The following ESR1 variants were observed in gnomAD, a reference collection of about 807,000 sequenced individuals.
ESR1 encodes estrogen receptor.
Under a neutral mutation model 52.7 loss-of-function variants are expected in ESR1, and 12 were observed. The observed-to-expected ratio is 0.23, with a 90% CI of 0.15 to 0.37. The LOEUF is 0.37. Among genes scored for constraint, ESR1 ranks in the 10% least tolerant of loss-of-function variants. The pLI, the probability that ESR1 is intolerant of heterozygous loss-of-function variation, is 1.00. For synonymous variants in ESR1, 305 were observed against 316.8 expected (o/e 0.96, Z 0.39); for missense variants, 584 against 779.7 (o/e 0.75, Z 2.99).
chr6:152,018,406 T>G (rs1300485993), intron 5 of ESR1, among the ~76,000 whole-genome samples: 1 of 151,426 alleles, frequency 6.6e-6, no homozygotes, highest in Non-Finnish European at 1.5e-5. Flanking sequence ...CTTTGCAGAT[T>G]TTTTACTTGG....
chr6:151,863,337 T>C (rs753152592), intron 2 of ESR1, among the ~76,000 whole-genome samples: 2 of 152,220 alleles, frequency 1.3e-5, no homozygotes, highest in Non-Finnish European at 2.9e-5. Flanking sequence ...GGTTTTGTGG[T>C]TCTCCTTGAA....
chr6:151,883,550 G>T (rs779270362), intron 3 of ESR1, among the ~76,000 whole-genome samples: 1 of 151,834 alleles, frequency 6.6e-6, no homozygotes, highest in South Asian at 2.1e-4. Context: ...GTTGGATTAG[G>T]AGTCCACCCT....
In ESR1 at chr6:151,668,177, G is replaced by A. The variant is rs118030422; in HGVS notation, n.73+11414G>A. 9.6e-3 allele frequency among the ~76,000 whole-genome samples: 1,463 copies of A among 152,294 alleles called. 17 individuals carry two copies. Among genetic ancestry groups the A allele is most frequent in the Admixed American group, 0.016 (247 of 15,298 alleles). The stretch of plus-strand genomic sequence containing the variant: ...TCAAGGCACCAGCAGATTGGTTGTC[G>A]GATGAAAGTTCAGTTTCTGCTTCAT... On this transcript the variant is annotated intron_variant and non_coding_transcript_variant, in intron 1 of 2. Transcript: ENST00000473497.
At chr6:151,860,887 A>G (rs763780481) in intron 2 of ESR1, among the ~76,000 whole-genome samples, 1 of 152,196 alleles carries the variant, frequency 6.6e-6, no homozygotes, top group Non-Finnish European at 1.5e-5. Flanking sequence ...TCTACCTCTT[A>G]CCTAAGCTTT....
intron 1 of ESR1, among the ~76,000 whole-genome samples, chr6:151,666,600 A>G (rs1256346399): frequency 2.0e-5 from 3 of 152,076 alleles, no homozygotes; most frequent in Admixed American, 2.0e-4. Context: ...TTCTGGCCTT[A>G]GCACATCTGT....
chr6:152,057,586 A>C (rs6941045), intron 5 of ESR1, among the ~76,000 whole-genome samples: 33,323 of 151,932 alleles, frequency 0.22, 5,295 homozygotes, highest in African/African-American at 0.44. Context: ...CATGAAGCAC[A>C]TGTGTTTGCA....
chr6:152,002,877 AT>A (rs2042062853), intron 4 of ESR1, among the ~76,000 whole-genome samples: 1 of 152,020 alleles, frequency 6.6e-6, no homozygotes, highest in Non-Finnish European at 1.5e-5. Flanking sequence ...CTCCCAGGAG[AT>A]TTTGATAAGA....
chr6:151,661,219 A>G (rs940717930), intron 1 of ESR1, among the ~76,000 whole-genome samples: 1 of 152,228 alleles, frequency 6.6e-6, no homozygotes, highest in African/African-American at 2.4e-5. Context: ...ACTTTGTTGG[A>G]TTTCCTTAAC....
intron 4 of ESR1, among the ~76,000 whole-genome samples, chr6:152,001,196 G>A (rs1406970856): frequency 6.6e-6 from 1 of 151,970 alleles, no homozygotes; most frequent in Non-Finnish European, 1.5e-5. Context: ...CTGAGACTGG[G>A]TAATGTACAA....
chr6:152,125,239 G>T, intron 6 of ESR1: 1 of 1,548,858 alleles, frequency 6.5e-7, no homozygotes, highest in Non-Finnish European at 8.7e-7. Flanking sequence ...AATGGTAATG[G>T]TAATTCAGGT....
chr6:151,670,837 C>T (rs1046551756), intron 1 of ESR1, among the ~76,000 whole-genome samples: 6 of 140,426 alleles, frequency 4.3e-5, no homozygotes, highest in Admixed American at 2.3e-4. Context: ...GGCGCAATCT[C>T]GGCTCACTCC....
intron 1 of ESR1, among the ~76,000 whole-genome samples, chr6:151,824,207 T>C (rs928904838): frequency 6.6e-6 from 1 of 152,164 alleles, no homozygotes; most frequent in Non-Finnish European, 1.5e-5. Context: ...TTGATTTGCA[T>C]TTCTCTGATG....
intron 4 of ESR1, among the ~76,000 whole-genome samples, chr6:151,984,992 A>G (rs895474756): frequency 6.6e-6 from 1 of 152,156 alleles, no homozygotes; most frequent in African/African-American, 2.4e-5. Context: ...CATCATTAAA[A>G]TAGCAGAGAA....
At chr6:152,017,771 G>C (rs914798930) in intron 5 of ESR1, among the ~76,000 whole-genome samples, 1 of 152,006 alleles carries the variant, frequency 6.6e-6, no homozygotes, top group Non-Finnish European at 1.5e-5. Context: ...AGAGATGTTA[G>C]TAAATGGTGT....
At chr6:151,782,666 A>G (rs941871985) in intron 2 of ESR1, among the ~76,000 whole-genome samples, 6 of 152,180 alleles carry the variant, frequency 3.9e-5, no homozygotes, top group Admixed American at 2.6e-4. Context: ...ATTCCTCATT[A>G]TTCTGGCTGC....
At chr6:151,786,656 A>G (rs915389397) in intron 2 of ESR1, among the ~76,000 whole-genome samples, 4 of 148,662 alleles carry the variant, frequency 2.7e-5, no homozygotes, top group South Asian at 2.1e-4. Flanking sequence ...GTAATTTGAC[A>G]TATAAAGAAT....
At chr6:151,709,114 A>G (rs1780388560) in intron 2 of ESR1, among the ~76,000 whole-genome samples, 1 of 151,976 alleles carries the variant, frequency 6.6e-6, no homozygotes, top group Admixed American at 6.6e-5. Flanking sequence ...ATGTCTTTCC[A>G]ACCCTCACCT....
chr6:151,669,553 G>A (rs1777976410), intron 1 of ESR1, among the ~76,000 whole-genome samples: 3 of 152,178 alleles, frequency 2.0e-5, no homozygotes, highest in South Asian at 4.1e-4. Context: ...AGGGACTCAG[G>A]TGCTGGAGTG....
intron 6 of ESR1, among the ~76,000 whole-genome samples, chr6:152,088,360 C>T (rs1004412104): frequency 6.6e-6 from 1 of 152,160 alleles, no homozygotes; most frequent in African/African-American, 2.4e-5. Context: ...ACTAACCAAC[C>T]TATTTGTGTA....
Sources: gnomAD v4.1 joint callset for allele counts (sites outside exome capture counted in the v4.1 genomes callset) on GRCh38, gnomAD v4.1.1 for gene constraint, MANE v1.5 for transcripts, NCBI Gene and HGNC (gene_info 2026-07-23, HGNC 2026-07-21) for gene names.